Variants in PDE1A observed in about 807,000 individuals in gnomAD.
PDE1A encodes phosphodiesterase 1A, also known as dual specificity calcium/calmodulin-dependent 3',5'-cyclic nucleotide phosphodiesterase 1A.
Under a neutral mutation model 61.7 loss-of-function variants are expected in PDE1A, and 35 were observed. The observed-to-expected ratio is 0.57, with a 90% CI of 0.43 to 0.75. PDE1A has a LOEUF of 0.75. Ranked by LOEUF, PDE1A falls within the 30% of genes least tolerant of loss-of-function variation. The pLI is 0.00. For synonymous variants in PDE1A, 232 were observed against 213.2 expected (o/e 1.09, Z -0.77); for missense variants, 597 against 630.6 (o/e 0.95, Z 0.57).
chr2:182,560,063 TC>T, the PDE1A span, among the ~76,000 whole-genome samples: 2 of 133,464 alleles, frequency 1.5e-5, no homozygotes, highest in South Asian at 2.6e-4. Context: ...AGATAGGGAT[TC>T]TTTTTTTTTT....
chr2:182,229,622 A>G (rs1459473655), intron 6 of PDE1A, among the ~76,000 whole-genome samples: 1 of 152,180 alleles, frequency 6.6e-6, no homozygotes, highest in Admixed American at 6.6e-5. Flanking sequence ...AGAGAGCAAA[A>G]GCGACTAAGG....
chr2:182,381,930 T>G (rs1700762485), intron 1 of PDE1A, among the ~76,000 whole-genome samples: 1 of 152,054 alleles, frequency 6.6e-6, no homozygotes, highest in African/African-American at 2.4e-5. Context: ...AGTCATTGTT[T>G]CTGGATCACA....
At chr2:182,185,750 G>A in intron 13 of PDE1A, 142 bp downstream of exon 13, 1 of 1,462,440 alleles carries the variant, frequency 6.8e-7, no homozygotes, top group South Asian at 1.3e-5. Flanking sequence ...TCTCATGAAT[G>A]ATCAAAGAGT....
the PDE1A span, among the ~76,000 whole-genome samples, chr2:182,672,750 T>C: frequency 6.6e-6 from 1 of 152,222 alleles, no homozygotes; most frequent in African/African-American, 2.4e-5. Context: ...GCTGCCTCTG[T>C]AGGATGCCTG....
the PDE1A span, among the ~76,000 whole-genome samples, chr2:182,653,316 C>A: frequency 6.6e-6 from 1 of 152,130 alleles, no homozygotes; most frequent in Non-Finnish European, 1.5e-5. Context: ...CATATTTTAG[C>A]CATGAGAGAC....
intron 1 of PDE1A, among the ~76,000 whole-genome samples, chr2:182,411,234 T>C (rs1702595998): frequency 6.6e-6 from 1 of 152,212 alleles, no homozygotes; most frequent in Non-Finnish European, 1.5e-5. Flanking sequence ...ATATTAGTGT[T>C]GTCTGTTGCT....
chr2:182,516,735 AGGAAGGAAAAAG>A (rs1690191539), intron 2 of PDE1A, among the ~76,000 whole-genome samples: 1 of 106,604 alleles, frequency 9.4e-6, no homozygotes, highest in East Asian at 3.9e-4. Context: ...GAAGGAAGGA[AGGAAGGAAAAAG>A]AGAGAAAGAA....
the PDE1A span, among the ~76,000 whole-genome samples, chr2:182,553,537 A>AT: frequency 6.6e-6 from 1 of 152,178 alleles, no homozygotes; most frequent in Non-Finnish European, 1.5e-5. Context: ...GCATACAAAG[A>AT]TTTTTTTAAA....
intron 2 of PDE1A, among the ~76,000 whole-genome samples, chr2:182,468,051 CT>C (rs1470929046): frequency 1.3e-5 from 2 of 151,856 alleles, no homozygotes; most frequent in Non-Finnish European, 2.9e-5. Context: ...ACTCTTTTTC[CT>C]GGTAGAGAAT....
At chr2:182,533,822 G>C in the PDE1A span, among the ~76,000 whole-genome samples, 3 of 152,160 alleles carry the variant, frequency 2.0e-5, no homozygotes, top group East Asian at 5.8e-4. Flanking sequence ...CATGGATATG[G>C]ATTGGATCAC....
intron 1 of PDE1A, among the ~76,000 whole-genome samples, chr2:182,323,358 T>C (rs1343295418): frequency 2.6e-5 from 4 of 152,214 alleles, no homozygotes; most frequent in African/African-American, 9.6e-5. Flanking sequence ...ATTAGCTATT[T>C]CTATCAATGG....
the PDE1A span, among the ~76,000 whole-genome samples, chr2:182,615,507 A>G: frequency 6.6e-6 from 1 of 152,268 alleles, no homozygotes; most frequent in Non-Finnish European, 1.5e-5. Flanking sequence ...ATGCTAAATT[A>G]GCAATTTCCC....
chr2:182,289,745 C>A (rs1431534245), intron 1 of PDE1A, among the ~76,000 whole-genome samples: 1 of 152,054 alleles, frequency 6.6e-6, no homozygotes, highest in East Asian at 1.9e-4. Context: ...GTACTTAATT[C>A]TAAAATTCTC....
At chr2:182,324,794 C>T (rs970936984) in intron 1 of PDE1A, among the ~76,000 whole-genome samples, 1 of 152,122 alleles carries the variant, frequency 6.6e-6, no homozygotes, top group Admixed American at 6.5e-5. Context: ...GTTGACTGCC[C>T]TCAATGCAAA....
intron 1 of PDE1A, among the ~76,000 whole-genome samples, chr2:182,273,216 T>G (rs374899184): frequency 1.3e-5 from 2 of 152,212 alleles, no homozygotes; most frequent in South Asian, 2.1e-4. Flanking sequence ...AGTTCCCTAT[T>G]TAAGTAAAAT....
At chr2:182,709,627 CT>C in the PDE1A span, among the ~76,000 whole-genome samples, 1 of 152,292 alleles carries the variant, frequency 6.6e-6, no homozygotes, top group South Asian at 2.1e-4. Context: ...TGAACTAGAT[CT>C]TGAAAGATGA....
intron 1 of PDE1A, among the ~76,000 whole-genome samples, chr2:182,288,078 A>G (rs1214595911): frequency 6.6e-6 from 1 of 152,162 alleles, no homozygotes; most frequent in Admixed American, 6.5e-5. Context: ...AATGAAAGAC[A>G]TTTATTAACA....
intron 3 of PDE1A, among the ~76,000 whole-genome samples, chr2:182,237,165 T>C: frequency 6.6e-6 from 1 of 152,162 alleles, no homozygotes; most frequent in East Asian, 1.9e-4. Flanking sequence ...GTTTCCATAA[T>C]AGTTACAAGA....
chr2:182,218,763 A>G (rs879594607), intron 7 of PDE1A, among the ~76,000 whole-genome samples: 1 of 152,098 alleles, frequency 6.6e-6, no homozygotes, highest in Admixed American at 6.6e-5. Context: ...GGTAGATTAT[A>G]TTAGTTGAAT....
Sources: allele counts gnomAD v4.1 joint callset (sites outside exome capture counted in the v4.1 genomes callset), GRCh38; gene constraint gnomAD v4.1.1; transcripts MANE v1.5; gene names NCBI Gene and HGNC (gene_info 2026-07-23, HGNC 2026-07-21).